Variants in GAK observed in about 807,000 individuals in gnomAD.
GAK encodes the protein cyclin G associated kinase.
In GAK, 79 loss-of-function variants were observed where a neutral mutation model predicts 143.9. That is an observed-to-expected ratio of 0.55 (90% CI 0.46 to 0.66). The LOEUF (loss-of-function observed/expected upper bound fraction) is 0.66, where lower values mean the gene tolerates loss of function less well. Ranked by LOEUF, GAK falls within the 30% of genes least tolerant of loss-of-function variation. The probability of loss-of-function intolerance (pLI) is 0.00; values close to 1 mark genes in which losing one functional copy is unlikely to be tolerated. For synonymous variants in GAK, 881 were observed against 765.5 expected (o/e 1.15, Z -2.49); for missense variants, 1,693 against 1,779.7 (o/e 0.95, Z 0.88).
At chr4:926,818 G>A (rs915859013) in intron 1 of GAK, among the ~76,000 whole-genome samples, 2 of 151,486 alleles carry the variant, frequency 1.3e-5, no homozygotes, top group Non-Finnish European at 2.9e-5. Flanking sequence ...CTGCTTACCT[G>A]CGCTCCGCAC....
chr4:905,287 T>C (rs1720852403), intron 4 of GAK, among the ~76,000 whole-genome samples: 1 of 152,190 alleles, frequency 6.6e-6, no homozygotes, highest in African/African-American at 2.4e-5. Flanking sequence ...CTTCATTCTT[T>C]CTTTGTTTCG....
chr4:898,107 C>T lies in GAK; in HGVS notation c.577G>A (p.Gly193Ser), dbSNP rs1388221994. The change falls in exon 6 of 28, where the codon GGC (glycine) becomes AGC (serine). Residue 193 changes from glycine to serine, a missense_variant. By Grantham distance (56) the Gly-to-Ser change is moderately conservative. This residue lies in a region of GAK where 871 missense variants were observed against 991.0 expected (regional missense o/e 0.88). Transcript: ENST00000314167. ...TAGTGCGAGATGGTCGTGGCACTGC[C>T]AAAGTCACACAGCTTAATGGTCCCT... ...NQGTIKLCDF[G>S]SATTISHYPD... 3 of 1,614,192 alleles carry T rather than the reference C, an allele frequency of 1.9e-6. No individual in the cohort carries two copies. Among genetic ancestry groups the T allele is most frequent in the Non-Finnish European group, 1.7e-6 (2 of 1,180,004 alleles).
chr4:852,172 G>A lies in GAK; in HGVS notation c.3284-198C>T, dbSNP rs937235063. The A allele has an allele frequency of 1.3e-5, 8 of 622,284 alleles. No homozygotes were observed. The African/African-American group carries it at 1.5e-4, about 11-fold the overall frequency. 38.5% of individuals were successfully genotyped at this position (622,284 alleles called of 1,614,324 possible). A position where few individuals can be genotyped will look rare whatever the true frequency, so the allele number is the denominator to read the frequency against. ...GGGGCTGGAGCACAGGCCAGGTGCT[G>A]GGGCGACGGGAACACTCTGGATGGA... On this transcript the variant is annotated intron_variant, in intron 24 of 27. Transcript: ENST00000314167.
intron 6 of GAK, chr4:897,829 AC>A: frequency 2.0e-6 from 1 of 488,688 alleles, no homozygotes; most frequent in Non-Finnish European, 3.5e-6. Context: ...TGTGCCTGTA[AC>A]CCCAGCTACT....
chr4:856,541 TCACACCTGCTCACCAC>T (rs558692259), intron 24 of GAK, among the ~76,000 whole-genome samples: 18 of 124,080 alleles, frequency 1.5e-4, no homozygotes, highest in African/African-American at 5.8e-4. Flanking sequence ...CCACAGCTGC[TCACACCTGCTCACCAC>T]CACAGCTGCT....
intron 22 of GAK, 76 bp from the exon 23 acceptor site, chr4:865,320 G>T: frequency 1.3e-6 from 2 of 1,589,656 alleles, no homozygotes. Context: ...GCCAGGCTGT[G>T]CTCAGGGCCC....
intron 1 of GAK, among the ~76,000 whole-genome samples, chr4:924,868 T>C (rs1724462175): frequency 6.7e-6 from 1 of 149,746 alleles, no homozygotes; most frequent in Non-Finnish European, 1.5e-5. Flanking sequence ...AGTGCTCTCC[T>C]GTGAGATCTG....
chr4:849,833 G>GTCCCCCCCCCCCCC, intron 27 of GAK, 59 bp from the exon 28 acceptor site: 5 of 1,190,150 alleles, frequency 4.2e-6, no homozygotes, highest in Non-Finnish European at 5.8e-6. Context: ...GGCGGGGCAG[G>GTCCCCCCCCCCCCC]ACCCCCCCCC....
chr4:856,377 AC>A, intron 24 of GAK, among the ~76,000 whole-genome samples: 1 of 75,742 alleles, frequency 1.3e-5, no homozygotes, highest in African/African-American at 6.0e-5. Context: ...GCTGCTCACC[AC>A]AGCTGCTCAC....
intron 11 of GAK, among the ~76,000 whole-genome samples, chr4:884,966 G>A (rs190832535): frequency 7.2e-5 from 11 of 152,064 alleles, no homozygotes; most frequent in African/African-American, 1.4e-4. Flanking sequence ...GCGTTCAAAC[G>A]TTTTAAAAGC....
intron 24 of GAK, among the ~76,000 whole-genome samples, chr4:855,412 T>C (rs549555092): frequency 6.6e-6 from 1 of 152,278 alleles, no homozygotes; most frequent in African/African-American, 2.4e-5. Context: ...TAAACAGAAA[T>C]AGGACAGATT....
At chr4:854,942 G>A (rs1030390616) in intron 24 of GAK, among the ~76,000 whole-genome samples, 1 of 152,188 alleles carries the variant, frequency 6.6e-6, no homozygotes, top group Non-Finnish European at 1.5e-5. Context: ...CTACTCAGGA[G>A]GCTGAGGCAG....
intron 12 of GAK, 83 bp from the exon 13 acceptor site, chr4:883,546 G>A (rs574690770): frequency 5.6e-5 from 85 of 1,513,136 alleles, no homozygotes; most frequent in Non-Finnish European, 6.8e-5. Flanking sequence ...TGCTCCTGAC[G>A]CCCCCGGGCA....
chr4:911,585 G>T, intron 4 of GAK, 88 bp downstream of exon 4: 1 of 881,096 alleles, frequency 1.1e-6, no homozygotes, highest in Non-Finnish European at 1.9e-6. Flanking sequence ...TGCCGGGCAT[G>T]TTTCACAGCC....
intron 1 of GAK, chr4:915,724 T>C (rs570578488): frequency 3.9e-5 from 6 of 152,362 alleles, no homozygotes; most frequent in South Asian, 2.1e-4. Flanking sequence ...CCCAGCCTGA[T>C]AGACGGCATC....
chr4:860,381 T>TA (rs533264804), intron 23 of GAK, among the ~76,000 whole-genome samples: 5 of 148,688 alleles, frequency 3.4e-5, no homozygotes, highest in Non-Finnish European at 4.4e-5. Context: ...AGCTACTTGA[T>TA]AGAGTGCCAT....
intron 11 of GAK, chr4:886,124 C>G (rs564398475): frequency 6.6e-6 from 1 of 152,260 alleles, no homozygotes; most frequent in Non-Finnish European, 1.5e-5. Context: ...TTTACAAACA[C>G]GAGGTTATGC....
chr4:856,449 A>C (rs1749239957), intron 24 of GAK, among the ~76,000 whole-genome samples: 1 of 126,966 alleles, frequency 7.9e-6, no homozygotes, highest in African/African-American at 3.1e-5. Flanking sequence ...ACAGCTGCTC[A>C]CTACAGCTGC....
Position 890,751 on chromosome 4 carries a change from A to G in GAK, c.991-129T>C, listed in dbSNP as rs562902659. 14 of 677,000 alleles carry G rather than the reference A, an allele frequency of 2.1e-5. No homozygotes were observed. In the African/African-American group the frequency reaches 2.2e-4, roughly 11 times the overall value. The allele number at this position is 677,000 out of a possible 1,614,324, so 41.9% of individuals were successfully genotyped here. A position where few individuals can be genotyped will look rare whatever the true frequency, so the allele number is the denominator to read the frequency against. ...GCCCCCTGATCTATGACACAGTGCAAGGGAGGAACTTCCCACAGGCTGAAG... is the reference window on the plus strand; with the variant it reads ...GCCCCCTGATCTATGACACAGTGCAGGGGAGGAACTTCCCACAGGCTGAAG... On this transcript the variant is annotated intron_variant, in intron 9 of 27. Coordinates refer to ENST00000314167, the MANE Select transcript of GAK (RefSeq NM_005255.4).
Sources: allele counts gnomAD v4.1 joint callset (sites outside exome capture counted in the v4.1 genomes callset), GRCh38; gene constraint gnomAD v4.1.1; regional missense constraint gnomAD v4.1.1; transcripts MANE v1.5; gene names NCBI Gene and HGNC (gene_info 2026-07-23, HGNC 2026-07-21).